The following RELN variants were observed in gnomAD, a reference collection of about 807,000 sequenced individuals.
RELN encodes the protein reelin.
A neutral mutation model predicts 427.6 loss-of-function variants in RELN; 108 were observed. That is an observed-to-expected ratio of 0.25 (90% CI 0.22 to 0.30). The LOEUF (loss-of-function observed/expected upper bound fraction) is 0.30. RELN is among the 10% of genes least tolerant of loss of function. RELN has a pLI of 1.00. For synonymous variants in RELN, 1,524 were observed against 1,513.4 expected (o/e 1.01, Z -0.16); for missense variants, 3,715 against 4,302.8 (o/e 0.86, Z 3.82).
At chr7:103,814,050 T>C (rs941019145) in intron 3 of RELN, among the ~76,000 whole-genome samples, 1 of 152,276 alleles carries the variant, frequency 6.6e-6, no homozygotes, top group Non-Finnish European at 1.5e-5. Flanking sequence ...TGTGTGGTCA[T>C]AGGAAGAGCA....
intron 2 of RELN, among the ~76,000 whole-genome samples, chr7:103,872,844 T>C (rs1794382244): frequency 6.6e-6 from 1 of 150,748 alleles, no homozygotes; most frequent in Non-Finnish European, 1.5e-5. Context: ...ATGTGTTTTT[T>C]GGCTGCATAA....
chr7:103,642,795 T>G (rs1372220627), intron 16 of RELN, among the ~76,000 whole-genome samples: 1 of 152,110 alleles, frequency 6.6e-6, no homozygotes, highest in African/African-American at 2.4e-5. Flanking sequence ...ATAGAATCCT[T>G]AAAAAGTGTG....
chr7:103,983,837 T>A (rs980698196), intron 1 of RELN, among the ~76,000 whole-genome samples: 1 of 150,480 alleles, frequency 6.6e-6, no homozygotes, highest in Non-Finnish European at 1.5e-5. Context: ...TTTCTATTTC[T>A]ATGTGACACA....
At position 103,755,618 on chromosome 7, in the gene RELN, T is replaced by TA. The variant is rs11364377; in HGVS notation, c.545-2405dup. ...GCGAGACTCTGTCTCAAAAAAAAAA[T>TA]AAAAAAAATAAAATAAATAAAATAA... On this transcript the variant is annotated intron_variant, in intron 4 of 64. Coordinates refer to ENST00000428762, the MANE Select transcript of RELN (RefSeq NM_005045.4). 4.5e-5 allele frequency among the ~76,000 whole-genome samples: 6 copies of TA among 133,456 alleles called. No homozygotes were observed. In the East Asian group the frequency reaches 9.0e-4, roughly 20 times the overall value. 87.6% of individuals were successfully genotyped at this position (133,456 alleles called of 152,430 possible).
intron 6 of RELN, among the ~76,000 whole-genome samples, chr7:103,748,964 T>G (rs1389833161): frequency 1.3e-5 from 2 of 152,164 alleles, no homozygotes; most frequent in Non-Finnish European, 2.9e-5. Flanking sequence ...GGCTCATTAT[T>G]TATTTCCCCT....
At chr7:103,710,958 C>T (rs771382941) in intron 8 of RELN, among the ~76,000 whole-genome samples, 30 of 152,170 alleles carry the variant, frequency 2.0e-4, no homozygotes, top group Non-Finnish European at 3.4e-4. Flanking sequence ...GCAGGAGAAT[C>T]GCTTGAACCC....
rs372753067 is a variant in RELN, at chr7:103,713,456, AAGAG to A, written c.805+9680_805+9683del. On this transcript the variant is annotated intron_variant, in intron 8 of 64. Transcript: ENST00000428762. ...TTAACTTGAGGTTGCAGTGAGTGGA[AAGAG>A]AGATAGAGATGAATGGACAAATTTT... is the stretch of plus-strand genomic sequence containing the variant. 9.0e-3 allele frequency among the ~76,000 whole-genome samples: 1,363 copies of A among 152,270 alleles called. 11 individuals are homozygous for A. The highest frequency in any genetic ancestry group is 0.015 in the Non-Finnish European group (1,040 of 68,016).
intron 27 of RELN, among the ~76,000 whole-genome samples, chr7:103,590,099 G>A (rs1029402105): frequency 6.6e-5 from 10 of 152,180 alleles, no homozygotes; most frequent in Admixed American, 6.5e-4. Flanking sequence ...AGTGTATGTG[G>A]TTCTTGAGTC....
chr7:103,891,825 A>T (rs531362613), intron 2 of RELN, among the ~76,000 whole-genome samples: 1 of 152,238 alleles, frequency 6.6e-6, no homozygotes, highest in Non-Finnish European at 1.5e-5. Context: ...CATTCCTAAT[A>T]CCCTCAAGCC....
intron 4 of RELN, among the ~76,000 whole-genome samples, chr7:103,770,043 C>A (rs536952213): frequency 6.6e-6 from 1 of 151,970 alleles, no homozygotes; most frequent in African/African-American, 2.4e-5. Flanking sequence ...AACCCTACCC[C>A]AGTCACCAAA....
chr7:103,856,567 C>A (rs1793949897), intron 2 of RELN, among the ~76,000 whole-genome samples: 3 of 103,030 alleles, frequency 2.9e-5, no homozygotes, highest in Non-Finnish European at 4.0e-5. Flanking sequence ...CAAACTCCAC[C>A]TCAAAAAAAA....
At chr7:103,500,364 A>G (rs534482373) in intron 53 of RELN, among the ~76,000 whole-genome samples, 1 of 152,134 alleles carries the variant, frequency 6.6e-6, no homozygotes, top group Admixed American at 6.5e-5. Flanking sequence ...GATAATGTAT[A>G]TTATTTGCTT....
At chr7:103,794,438 A>T (rs1321447822) in intron 3 of RELN, among the ~76,000 whole-genome samples, 1 of 152,176 alleles carries the variant, frequency 6.6e-6, no homozygotes, top group Non-Finnish European at 1.5e-5. Context: ...TTTGGTAAGG[A>T]TTAAACTTTA....
chr7:103,933,040 G>A (rs1795899066), intron 1 of RELN, among the ~76,000 whole-genome samples: 1 of 152,124 alleles, frequency 6.6e-6, no homozygotes, highest in Non-Finnish European at 1.5e-5. Context: ...AAGACACTCT[G>A]GTTTGTGGTG....
intron 64 of RELN, chr7:103,476,750 T>C (rs771276843): frequency 1.8e-5 from 7 of 398,210 alleles, no homozygotes; most frequent in Non-Finnish European, 3.6e-5. Context: ...CATTGGGAAT[T>C]AGGGGAATTT....
At chr7:103,885,409 A>G (rs1416149373) in intron 2 of RELN, among the ~76,000 whole-genome samples, 1 of 152,136 alleles carries the variant, frequency 6.6e-6, no homozygotes, top group African/African-American at 2.4e-5. Context: ...ATGCAGCCAT[A>G]AAAAAGGTTG....
In RELN at chr7:103,947,932, C is replaced by G. The variant is rs146519920; in HGVS notation, c.227-30747G>C. On this transcript the variant is annotated intron_variant, in intron 1 of 64. Transcript: ENST00000428762. Reference sequence around the variant, plus strand: ...ATATGGATTTTTAGCATGAAATGATCTTTTTCCTTTTTTAAAATAAGCTAA... The same window carrying G: ...ATATGGATTTTTAGCATGAAATGATGTTTTTCCTTTTTTAAAATAAGCTAA... Among the ~76,000 whole-genome samples the G allele has an allele frequency of 1.6e-3, 243 of 152,242 alleles. 2 individuals are homozygous for G. The highest frequency in any genetic ancestry group is 5.5e-3 in the African/African-American group (228 of 41,540).
chr7:103,612,564 C>T (rs948257934), intron 20 of RELN, among the ~76,000 whole-genome samples: 5 of 152,030 alleles, frequency 3.3e-5, no homozygotes, highest in South Asian at 2.1e-4. Context: ...CATGAGCCAC[C>T]GCGCCCAGCC....
chr7:103,980,674 G>A (rs1796972285), intron 1 of RELN, among the ~76,000 whole-genome samples: 1 of 152,114 alleles, frequency 6.6e-6, no homozygotes, highest in Admixed American at 6.6e-5. Flanking sequence ...TTCCTCATGA[G>A]GATTTTGTGA....
Sources: gnomAD v4.1 joint callset for allele counts (sites outside exome capture counted in the v4.1 genomes callset) on GRCh38, gnomAD v4.1.1 for gene constraint, MANE v1.5 for transcripts, NCBI Gene and HGNC (gene_info 2026-07-23, HGNC 2026-07-21) for gene names.